Variants in SORCS3 observed in about 807,000 individuals in gnomAD.
SORCS3 encodes the protein VPS10 domain-containing receptor SorCS3.
SORCS3 carries 57 observed loss-of-function variants against 146.3 expected under a neutral mutation model. That is an observed-to-expected ratio of 0.39 (90% CI 0.31 to 0.49). The LOEUF is 0.49. Ranked by LOEUF, SORCS3 falls within the 20% of genes least tolerant of loss-of-function variation. The probability of loss-of-function intolerance (pLI) is 0.92; values close to 1 mark genes in which losing one functional copy is unlikely to be tolerated. For synonymous variants in SORCS3, 653 were observed against 618.5 expected (o/e 1.06, Z -0.83); for missense variants, 1,341 against 1,575.5 (o/e 0.85, Z 2.52).
intron 1 of SORCS3, among the ~76,000 whole-genome samples, chr10:104,644,969 G>T (rs1217409727): frequency 6.6e-6 from 1 of 152,234 alleles, no homozygotes. Context: ...GCCCCAGGTG[G>T]TTGAGGGTGC....
In SORCS3 at chr10:104,930,416, T is replaced by C. The variant is rs185384939; in HGVS notation, c.795+14484T>C. Among the ~76,000 whole-genome samples the C allele has an allele frequency of 8.4e-3, 1,281 of 152,322 alleles. 11 individuals carry two copies. The highest frequency in any genetic ancestry group is 0.015 in the Admixed American group (226 of 15,302). On this transcript the variant is annotated intron_variant, in intron 3 of 26. Transcript: ENST00000369701. Reference sequence around the variant, plus strand: ...GGGTACCATGACCCTCTAGAACATCTCTTTATAAATCCATGAAAAGGAATA... The same window carrying C: ...GGGTACCATGACCCTCTAGAACATCCCTTTATAAATCCATGAAAAGGAATA...
chr10:104,900,786 C>T (rs550985882), intron 2 of SORCS3, among the ~76,000 whole-genome samples: 34 of 150,138 alleles, frequency 2.3e-4, no homozygotes, highest in African/African-American at 6.4e-4. Context: ...CCCAGCTACT[C>T]GGGAGGCTGA....
intron 8 of SORCS3, among the ~76,000 whole-genome samples, chr10:105,143,742 A>G (rs1484560708): frequency 2.0e-5 from 3 of 152,220 alleles, no homozygotes; most frequent in Non-Finnish European, 2.9e-5. Flanking sequence ...AATGAGTGCT[A>G]TAAAGGAAAA....
At chr10:104,827,979 G>T (rs944142376) in intron 1 of SORCS3, among the ~76,000 whole-genome samples, 1 of 152,190 alleles carries the variant, frequency 6.6e-6, no homozygotes, top group Admixed American at 6.5e-5. Flanking sequence ...ACTGAAGAGC[G>T]TTAGGGCCTT....
intron 8 of SORCS3, among the ~76,000 whole-genome samples, chr10:105,141,379 A>G (rs959878833): frequency 1.3e-5 from 2 of 152,192 alleles, no homozygotes; most frequent in African/African-American, 2.4e-5. Flanking sequence ...CCAAGTTTTC[A>G]TAGTCAAAGC....
intron 20 of SORCS3, among the ~76,000 whole-genome samples, chr10:105,228,958 C>A (rs1014519038): frequency 1.9e-4 from 29 of 152,212 alleles, no homozygotes; most frequent in African/African-American, 6.5e-4. Flanking sequence ...ATTTCATTTT[C>A]TTTTTATCTT....
chr10:104,957,895 A>G (rs1182691152), intron 3 of SORCS3, among the ~76,000 whole-genome samples: 1 of 152,114 alleles, frequency 6.6e-6, no homozygotes, highest in Non-Finnish European at 1.5e-5. Context: ...CCAAACAACC[A>G]AAACACCCTA....
intron 14 of SORCS3, among the ~76,000 whole-genome samples, chr10:105,185,188 C>T (rs1159869921): frequency 6.6e-6 from 1 of 152,152 alleles, no homozygotes; most frequent in East Asian, 1.9e-4. Context: ...CATTTCTTAT[C>T]AAAACCCCAC....
intron 2 of SORCS3, among the ~76,000 whole-genome samples, chr10:104,857,012 G>A (rs2018342718): frequency 6.7e-6 from 1 of 149,926 alleles, no homozygotes; most frequent in Admixed American, 6.8e-5. Context: ...TTCTAGCTTT[G>A]GAGGATCAGA....
intron 16 of SORCS3, among the ~76,000 whole-genome samples, chr10:105,202,685 G>A (rs2056580989): frequency 6.6e-6 from 1 of 152,146 alleles, no homozygotes; most frequent in Admixed American, 6.5e-5. Context: ...ACAGCGCCTG[G>A]CCCGCTGTAA....
At chr10:104,829,594 A>C (rs187880648) in intron 1 of SORCS3, among the ~76,000 whole-genome samples, 71 of 152,292 alleles carry the variant, frequency 4.7e-4, no homozygotes, top group African/African-American at 1.6e-3. Flanking sequence ...TTATGCCATG[A>C]GGAATCTGGA....
At chr10:104,646,055 A>G (rs1368577965) in intron 1 of SORCS3, among the ~76,000 whole-genome samples, 2 of 152,254 alleles carry the variant, frequency 1.3e-5, no homozygotes, top group Non-Finnish European at 1.5e-5. Context: ...AGGGGAAACC[A>G]TCTCAGTTGA....
At chr10:104,670,703 C>A (rs2015840533) in intron 1 of SORCS3, among the ~76,000 whole-genome samples, 1 of 152,108 alleles carries the variant, frequency 6.6e-6, no homozygotes, top group Admixed American at 6.5e-5. Context: ...ATGGGCCTTT[C>A]TATTTCTGCA....
At chr10:104,832,648 G>T (rs1407951892) in intron 1 of SORCS3, among the ~76,000 whole-genome samples, 1 of 152,174 alleles carries the variant, frequency 6.6e-6, no homozygotes, top group Non-Finnish European at 1.5e-5. Context: ...AACCCAGGAG[G>T]CAGAGGTTGC....
chr10:105,193,784 C>G (rs538276618), intron 14 of SORCS3, among the ~76,000 whole-genome samples: 11 of 152,136 alleles, frequency 7.2e-5, no homozygotes, highest in African/African-American at 2.7e-4. Flanking sequence ...AGTACTCTTG[C>G]GACCATGCCC....
intron 1 of SORCS3, among the ~76,000 whole-genome samples, chr10:104,649,795 A>G (rs2015537656): frequency 6.6e-6 from 1 of 152,226 alleles, no homozygotes; most frequent in African/African-American, 2.4e-5. Context: ...CTATGAATAA[A>G]TTTAACATTA....
At chr10:104,738,688 C>T (rs2016806668) in intron 1 of SORCS3, among the ~76,000 whole-genome samples, 1 of 152,092 alleles carries the variant, frequency 6.6e-6, no homozygotes. Context: ...AGAAGGAAAC[C>T]AACAGACCTT....
intron 3 of SORCS3, among the ~76,000 whole-genome samples, chr10:104,940,219 T>TATATATATATATA (rs1251425897): frequency 3.8e-3 from 56 of 14,620 alleles, no homozygotes; most frequent in South Asian, 3.8e-3. Context: ...TATATATATA[T>TATATATATATATA]ATATATATAT....
chr10:105,166,340 C>T (rs1318972386), intron 12 of SORCS3, among the ~76,000 whole-genome samples: 4 of 152,166 alleles, frequency 2.6e-5, no homozygotes, highest in African/African-American at 9.6e-5. Context: ...CATGAACCAC[C>T]ATCAGTGGTT....
Sources: allele counts gnomAD v4.1 joint callset (sites outside exome capture counted in the v4.1 genomes callset), GRCh38; gene constraint gnomAD v4.1.1; transcripts MANE v1.5; gene names NCBI Gene and HGNC (gene_info 2026-07-23, HGNC 2026-07-21).